Variants in ATXN3 observed in about 807,000 individuals in gnomAD.
The protein encoded by ATXN3 is ataxin 3.
Under a neutral mutation model 58.2 loss-of-function variants are expected in ATXN3, and 28 were observed. The ratio of observed to expected loss-of-function variants is 0.48; its 90% CI spans 0.36 to 0.66. ATXN3 has a LOEUF of 0.66. Among genes scored for constraint, ATXN3 ranks in the 30% least tolerant of loss-of-function variants. The pLI, the probability that ATXN3 is intolerant of heterozygous loss-of-function variation, is 0.00. For missense variants in ATXN3, 321 were observed against 422.1 expected (o/e 0.76, Z 2.10); for synonymous variants, 113 against 138.5 (o/e 0.82, Z 1.29).
At chr14:92,082,685 C>T (rs2061680289) in intron 7 of ATXN3, among the ~76,000 whole-genome samples, 1 of 142,546 alleles carries the variant, frequency 7.0e-6, no homozygotes, top group Non-Finnish European at 1.5e-5. Context: ...GTCTGACTCT[C>T]TCGACCAGGC....
In ATXN3 at chr14:92,096,187, G is replaced by A. The variant is rs780308101; in HGVS notation, c.190-50C>T. The stretch of plus-strand genomic sequence containing the variant: ...AGCAAGGGTGGGGGTGGGGAAAGAA[G>A]GATACAAACTGTCATTAGCGTGCAT... On this transcript the variant is annotated intron_variant, in intron 2 of 10. Transcript: ENST00000644486. 2.5e-5 allele frequency: 41 copies of A among 1,610,938 alleles called. No homozygotes were observed. The Admixed American group carries it at 2.7e-4, about 11-fold the overall frequency.
intron 1 of ATXN3, 123 bp downstream of exon 1, chr14:92,106,406 T>A: frequency 7.7e-7 from 1 of 1,297,762 alleles, no homozygotes; most frequent in Non-Finnish European, 1.1e-6. Flanking sequence ...GCGTCGCCCC[T>A]CGCCGGGCGA....
At position 92,088,602 on chromosome 14, in the gene ATXN3, C is replaced by A; in HGVS notation, c.475+128G>T. ...CGTCACCCAAATCACAGCCTATCAC[C>A]ACGTCAAAACTAAAGATTGTTTCAC... On this transcript the variant is annotated intron_variant, in intron 6 of 10. Coordinates refer to ENST00000644486, the MANE Select transcript of ATXN3 (RefSeq NM_004993.6). The A allele has an allele frequency of 8.4e-6, 6 of 716,834 alleles. No homozygotes were observed. In the South Asian group the frequency reaches 8.4e-5, roughly 10 times the overall value. The allele number at this position is 716,834 out of a possible 1,614,324, so 44.4% of individuals were successfully genotyped here.
upstream of ATXN3, among the ~76,000 whole-genome samples, chr14:92,051,269 C>T (rs2057446808): frequency 6.6e-6 from 1 of 152,146 alleles, no homozygotes; most frequent in Admixed American, 6.5e-5. Context: ...GATTTTTCTA[C>T]CTTTTGTTCT....
intron 9 of ATXN3, among the ~76,000 whole-genome samples, chr14:92,075,175 T>C (rs1207671742): frequency 8.8e-6 from 1 of 113,934 alleles, no homozygotes. Context: ...TTTTTTTTTT[T>C]TTTTTTGAGA....
chr14:92,097,426 C>G (rs968168396), intron 1 of ATXN3, among the ~76,000 whole-genome samples: 2 of 151,460 alleles, frequency 1.3e-5, no homozygotes, highest in Non-Finnish European at 2.9e-5. Flanking sequence ...CAGGGTTTCA[C>G]TCTGTTAGCC....
intron 9 of ATXN3, chr14:92,077,647 C>CT (rs35518817): frequency 8.0e-5 from 12 of 149,182 alleles, no homozygotes; most frequent in South Asian, 6.4e-4. Context: ...CGCGCCCAGC[C>CT]TTTTTTTTTT....
At chr14:92,049,918 TAGAA>T (rs1322052063), upstream of ATXN3, 1 of 152,088 alleles carries the variant, frequency 6.6e-6, no homozygotes, top group African/African-American at 2.4e-5. Flanking sequence ...GTTAGAAAAT[TAGAA>T]GGAAGGTAAG....
intron 9 of ATXN3, among the ~76,000 whole-genome samples, chr14:92,078,938 C>A (rs2060924989): frequency 6.6e-6 from 1 of 152,074 alleles, no homozygotes; most frequent in South Asian, 2.1e-4. Context: ...GTAATCCCAG[C>A]ACTCTGGGAG....
At chr14:92,096,910 ATTTTT>A in intron 1 of ATXN3, 72 bp from the exon 2 acceptor site, 1 of 1,064,076 alleles carries the variant, frequency 9.4e-7, no homozygotes, top group Non-Finnish European at 1.3e-6. Flanking sequence ...CCCCTAAATA[ATTTTT>A]TTTTTTTTTT....
At chr14:92,088,320 T>A (rs1389889008) in intron 6 of ATXN3, among the ~76,000 whole-genome samples, 1 of 152,198 alleles carries the variant, frequency 6.6e-6, no homozygotes, top group Non-Finnish European at 1.5e-5. Flanking sequence ...TCCGCCTGCC[T>A]CAGCCTCCCA....
At chr14:92,075,184 G>C (rs888534113) in intron 9 of ATXN3, among the ~76,000 whole-genome samples, 1 of 105,838 alleles carries the variant, frequency 9.4e-6, no homozygotes, top group Non-Finnish European at 1.8e-5. Context: ...TTTTTTTTGA[G>C]ATGGAGTCTT....
At position 92,083,217 on chromosome 14, in the gene ATXN3, C is replaced by T. The variant is rs750538982; in HGVS notation, c.517G>A (p.Glu173Lys). ...FVVKGDLPDC[E>K]ADQLLQMIRV... ...ATCATCTGCAGGAGTTGGTCAGCTT[C>T]GCAATCTGGCAGATCACCCTTAACG... The change falls in exon 7 of 11, where the codon GAA becomes AAA. Residue 173 changes from glutamate to lysine, a missense_variant. Physicochemically the swap from Glu to Lys is moderately conservative, Grantham distance 56 (BLOSUM62 1). This residue lies in a region of ATXN3 where 200 missense variants were observed against 223.2 expected (regional missense o/e 0.90). Coordinates refer to ENST00000644486, the MANE Select transcript of ATXN3 (RefSeq NM_004993.6). The T allele has an allele frequency of 1.1e-5, 17 of 1,613,468 alleles. No individual in the cohort carries two copies. Among genetic ancestry groups the T allele is most frequent in the East Asian group, 2.2e-5 (1 of 44,870 alleles).
intron 3 of ATXN3, among the ~76,000 whole-genome samples, chr14:92,095,823 T>C (rs1485943869): frequency 6.6e-6 from 1 of 151,742 alleles, no homozygotes; most frequent in East Asian, 2.0e-4. Context: ...GTGCCTGTAA[T>C]CCCAGCTACT....
intron 9 of ATXN3, among the ~76,000 whole-genome samples, chr14:92,076,312 G>A (rs968031080): frequency 6.6e-6 from 1 of 152,056 alleles, no homozygotes; most frequent in Non-Finnish European, 1.5e-5. Flanking sequence ...GCCCGACGTG[G>A]TGGCATGCGC....
chr14:92,082,147 A>G (rs2061584991), intron 8 of ATXN3, among the ~76,000 whole-genome samples, 153 bp downstream of exon 8: 1 of 152,252 alleles, frequency 6.6e-6, no homozygotes, highest in South Asian at 2.1e-4. Context: ...GATTTCCATT[A>G]TAAGAAATCT....
rs374968114 is a variant in ATXN3, at chr14:92,062,143, G to A, written c.*2177C>T. On this transcript the variant is annotated 3_prime_UTR_variant, in exon 11 of 11. Coordinates refer to ENST00000644486, the MANE Select transcript of ATXN3 (RefSeq NM_004993.6). ...GTGGTGGTGGGCGCCTGTAATCCCA[G>A]CTACTCTGGAGGCTGAGGCAGGAGA... The A allele has an allele frequency of 1.3e-5, 2 of 152,116 alleles. No individual in the cohort carries two copies. Among genetic ancestry groups the A allele is most frequent in the African/African-American group, 4.8e-5 (2 of 41,376 alleles). The allele number at this position is 152,116 out of a possible 1,614,324, so 9.4% of individuals were successfully genotyped here.
At chr14:92,082,268 AAT>A in intron 8 of ATXN3, 30 bp downstream of exon 8, 1 of 1,576,238 alleles carries the variant, frequency 6.3e-7, no homozygotes, top group Non-Finnish European at 8.6e-7. Context: ...ATTCTTCAGC[AAT>A]GAATACAACA....
intron 9 of ATXN3, among the ~76,000 whole-genome samples, chr14:92,072,573 C>T (rs1022528850): frequency 2.8e-4 from 42 of 151,892 alleles, no homozygotes; most frequent in African/African-American, 9.4e-4. Flanking sequence ...AAAACACTTC[C>T]AGTCTTAAGC....
Sources: gnomAD v4.1 joint callset for allele counts (sites outside exome capture counted in the v4.1 genomes callset) on GRCh38, gnomAD v4.1.1 for gene constraint, gnomAD v4.1.1 regional missense constraint, MANE v1.5 for transcripts, NCBI Gene and HGNC (gene_info 2026-07-23, HGNC 2026-07-21) for gene names.